PTPRM: variants seen among roughly 807,000 people sequenced by gnomAD.
PTPRM encodes the protein receptor-type tyrosine-protein phosphatase mu.
In PTPRM, 47 loss-of-function variants were observed where a neutral mutation model predicts 186.7. The ratio of observed to expected loss-of-function variants is 0.25; its 90% CI spans 0.20 to 0.32. The LOEUF is 0.32. PTPRM is among the 10% of genes least tolerant of loss of function. PTPRM has a pLI of 1.00. For missense variants in PTPRM, 1,494 were observed against 1,865.0 expected, an observed-to-expected ratio of 0.80 and a Z score of 3.66; for synonymous variants, 668 against 674.9, an observed-to-expected ratio of 0.99 and a Z score of 0.16.
In PTPRM at chr18:7,967,012, C is replaced by T. The variant is rs1288283134; in HGVS notation, c.1132+11598C>T. Among the ~76,000 whole-genome samples the T allele has an allele frequency of 9.4e-4, 101 of 107,618 alleles. 4 individuals are homozygous for T. The highest frequency in any genetic ancestry group is 2.8e-3 in the African/African-American group (95 of 34,390). The allele number at this position is 107,618 out of a possible 152,430, so 70.6% of individuals were successfully genotyped here. ...TCCACCTCTGGGGGCAGGGCACAGA[C>T]AAACAAAAAGACAGCAGTAACCTCT... On this transcript the variant is annotated intron_variant, in intron 7 of 32. Transcript: ENST00000580170.
At chr18:7,700,857 G>A (rs967824252) in intron 1 of PTPRM, among the ~76,000 whole-genome samples, 6 of 151,602 alleles carry the variant, frequency 4.0e-5, no homozygotes, top group Non-Finnish European at 5.9e-5. Context: ...GGACATGGTA[G>A]TGTATACCTG....
intron 7 of PTPRM, among the ~76,000 whole-genome samples, chr18:7,991,662 A>G (rs2083275632): frequency 6.6e-6 from 1 of 152,192 alleles, no homozygotes; most frequent in Non-Finnish European, 1.5e-5. Context: ...AGCATCTTAG[A>G]TTTGGTTTAG....
At chr18:8,194,990 C>T (rs1174581520) in intron 14 of PTPRM, among the ~76,000 whole-genome samples, 1 of 152,064 alleles carries the variant, frequency 6.6e-6, no homozygotes, top group Non-Finnish European at 1.5e-5. Flanking sequence ...CTGAGGGCCC[C>T]ACCATCCCAA....
At chr18:8,171,305 C>G (rs1171757140) in intron 14 of PTPRM, among the ~76,000 whole-genome samples, 1 of 152,174 alleles carries the variant, frequency 6.6e-6, no homozygotes, top group Admixed American at 6.5e-5. Flanking sequence ...AGCAAATGGG[C>G]TGTGTGGCAT....
intron 3 of PTPRM, among the ~76,000 whole-genome samples, chr18:7,888,721 T>G (rs1313979447): frequency 6.6e-6 from 1 of 151,990 alleles, no homozygotes; most frequent in East Asian, 1.9e-4. Flanking sequence ...AGACATGGAA[T>G]CCACCTAGGT....
At chr18:7,625,938 A>G (rs1025181514) in intron 1 of PTPRM, among the ~76,000 whole-genome samples, 2 of 152,208 alleles carry the variant, frequency 1.3e-5, no homozygotes, top group Non-Finnish European at 2.9e-5. Flanking sequence ...ATTGGGGCCC[A>G]TGAGCCTGGG....
intron 7 of PTPRM, among the ~76,000 whole-genome samples, chr18:8,003,180 C>T (rs1195384138): frequency 2.6e-5 from 4 of 152,122 alleles, no homozygotes; most frequent in Admixed American, 2.0e-4. Context: ...ATAATTGAAT[C>T]GTGGTGGTTT....
intron 11 of PTPRM, among the ~76,000 whole-genome samples, chr18:8,099,105 C>G (rs1251124943): frequency 1.3e-5 from 2 of 151,904 alleles, no homozygotes; most frequent in South Asian, 2.1e-4. Context: ...TCTGTCCTGC[C>G]TGCACACACA....
chr18:8,209,489 G>A lies in PTPRM; in HGVS notation c.2301-34569G>A, dbSNP rs149644600. On this transcript the variant is annotated intron_variant, in intron 14 of 32. Transcript: ENST00000580170. Reference sequence around the variant, plus strand: ...AGGAAACTACAGGAAAATGAGGTCCGGGTGGGAGATGAGGAGAAATTAAGA... The same window carrying A: ...AGGAAACTACAGGAAAATGAGGTCCAGGTGGGAGATGAGGAGAAATTAAGA... 3.6e-3 allele frequency among the ~76,000 whole-genome samples: 549 copies of A among 152,232 alleles called. 1 individual carries two copies. The highest frequency in any genetic ancestry group is 0.012 in the African/African-American group (492 of 41,534).
chr18:7,912,253 G>A (rs1451622985), intron 4 of PTPRM, among the ~76,000 whole-genome samples: 1 of 152,126 alleles, frequency 6.6e-6, no homozygotes, highest in Non-Finnish European at 1.5e-5. Flanking sequence ...ATATGGATAT[G>A]CAGTTATTCC....
chr18:8,379,344 A>C lies in PTPRM; in HGVS notation c.3786+4A>C. The stretch of plus-strand genomic sequence containing the variant: ...CATCAATGCTGCCCTCATGGACGTG[A>C]GTGCCCCGCTTCCCGCACGGGTCCG... On this transcript the variant is annotated splice_donor_region_variant and intron_variant, in intron 28 of 32. Transcript: ENST00000580170. The C allele has an allele frequency of 6.2e-7, 1 of 1,604,556 alleles. No individual in the cohort carries two copies. Among genetic ancestry groups the C allele is most frequent in the African/African-American group, 1.3e-5 (1 of 74,912 alleles).
intron 19 of PTPRM, among the ~76,000 whole-genome samples, chr18:8,267,373 A>G (rs1307147812): frequency 6.6e-6 from 1 of 152,062 alleles, no homozygotes; most frequent in Non-Finnish European, 1.5e-5. Flanking sequence ...TTCCAGGCCC[A>G]ATTTTGTTGT....
chr18:7,986,400 C>T (rs933128188), intron 7 of PTPRM, among the ~76,000 whole-genome samples: 2 of 152,224 alleles, frequency 1.3e-5, no homozygotes, highest in Admixed American at 6.5e-5. Context: ...CAGAGAAACA[C>T]AGTAGAACTT....
At chr18:7,687,893 T>G (rs1398949862) in intron 1 of PTPRM, among the ~76,000 whole-genome samples, 4 of 151,932 alleles carry the variant, frequency 2.6e-5, no homozygotes, top group Non-Finnish European at 5.9e-5. Flanking sequence ...TTGTCCTGCT[T>G]CAGCCTCCCG....
At chr18:7,707,691 T>A (rs1568042983) in intron 1 of PTPRM, among the ~76,000 whole-genome samples, 1 of 152,264 alleles carries the variant, frequency 6.6e-6, no homozygotes, top group East Asian at 1.9e-4. Context: ...CTTTATAAGA[T>A]ATGTTCATAT....
chr18:8,020,314 C>T (rs1012443032), intron 7 of PTPRM, among the ~76,000 whole-genome samples: 2 of 152,026 alleles, frequency 1.3e-5, no homozygotes, highest in Non-Finnish European at 2.9e-5. Context: ...TTTGTGGACT[C>T]GCAGGTCAGT....
At position 8,038,543 on chromosome 18, in the gene PTPRM, C is replaced by T. The variant is rs191683575; in HGVS notation, c.1133-31143C>T. On this transcript the variant is annotated intron_variant, in intron 7 of 32. Transcript: ENST00000580170. Reference sequence around the variant, plus strand: ...AGTAGCTGGAATTACAAGCGTGTACCGCCATGCCTGGCTAATTTTTGTATT... The same window carrying T: ...AGTAGCTGGAATTACAAGCGTGTACTGCCATGCCTGGCTAATTTTTGTATT... 9.6e-3 allele frequency among the ~76,000 whole-genome samples: 1,459 copies of T among 152,162 alleles called. 8 individuals are homozygous for T. The highest frequency in any genetic ancestry group is 0.029 in the South Asian group (141 of 4,820).
intron 2 of PTPRM, among the ~76,000 whole-genome samples, chr18:7,776,370 G>C (rs541673212): frequency 6.6e-6 from 1 of 152,296 alleles, no homozygotes; most frequent in South Asian, 2.1e-4. Context: ...TGAGGAAAGG[G>C]AAGGACTGGC....
At position 8,178,943 on chromosome 18, in the gene PTPRM, G is replaced by A. The variant is rs150669476; in HGVS notation, c.2300+35164G>A. ...GTTGGGTACATTCCTCACCTCTTAAGGTCCCAAGATAACTTGGTGCTCCTA... is the reference window on the plus strand; with the variant it reads ...GTTGGGTACATTCCTCACCTCTTAAAGTCCCAAGATAACTTGGTGCTCCTA... On this transcript the variant is annotated intron_variant, in intron 14 of 32. Transcript: ENST00000580170. 5.0e-4 allele frequency among the ~76,000 whole-genome samples: 76 copies of A among 152,182 alleles called. No individual in the cohort carries two copies. The East Asian group carries it at 8.9e-3, about 18-fold the overall frequency.
Sources: allele counts gnomAD v4.1 joint callset (sites outside exome capture counted in the v4.1 genomes callset), GRCh38; gene constraint gnomAD v4.1.1; transcripts MANE v1.5; gene names NCBI Gene and HGNC (gene_info 2026-07-23, HGNC 2026-07-21).